The following MICAL3 variants were observed in gnomAD, a reference collection of about 807,000 sequenced individuals.
MICAL3 encodes the protein [F-actin]-monooxygenase MICAL3.
A neutral mutation model predicts 207.4 loss-of-function variants in MICAL3; 62 were observed. The ratio of observed to expected loss-of-function variants is 0.30; its 90% CI spans 0.24 to 0.37. The LOEUF (loss-of-function observed/expected upper bound fraction) is 0.37. MICAL3 is among the 10% of genes least tolerant of loss of function. The probability of loss-of-function intolerance (pLI) is 1.00; values close to 1 mark genes in which losing one functional copy is unlikely to be tolerated. For missense variants in MICAL3, 2,368 were observed against 2,635.6 expected, an observed-to-expected ratio of 0.90 and a Z score of 2.22; for synonymous variants, 1,077 against 1,069.3, an observed-to-expected ratio of 1.01 and a Z score of -0.14.
chr22:17,881,215 C>T (rs747408276), intron 16 of MICAL3: 2 of 1,612,578 alleles, frequency 1.2e-6, no homozygotes, highest in East Asian at 4.5e-5. Context: ...CTGCTGGCCG[C>T]CATGTGCCCG....
chr22:17,995,238 G>A (rs1232089316), intron 1 of MICAL3, among the ~76,000 whole-genome samples: 1 of 152,080 alleles, frequency 6.6e-6, no homozygotes, highest in African/African-American at 2.4e-5. Context: ...ATGCAGTGGT[G>A]TGATTATAGC....
intron 1 of MICAL3, among the ~76,000 whole-genome samples, chr22:18,001,735 T>TC (rs1394957113): frequency 6.6e-6 from 1 of 152,038 alleles, no homozygotes; most frequent in Non-Finnish European, 1.5e-5. Context: ...GTCCTCTCCG[T>TC]CCCCCTGCAG....
At chr22:17,795,049 G>A (rs2061860847) in intron 29 of MICAL3, among the ~76,000 whole-genome samples, 1 of 152,214 alleles carries the variant, frequency 6.6e-6, no homozygotes, top group African/African-American at 2.4e-5. Flanking sequence ...GAATACAGGT[G>A]TTTTCTGTCT....
chr22:17,865,720 C>A (rs1269024226), intron 18 of MICAL3, among the ~76,000 whole-genome samples: 5 of 152,250 alleles, frequency 3.3e-5, no homozygotes, highest in Non-Finnish European at 7.3e-5. Context: ...GCAGGTGGAG[C>A]CTTTACCTTA....
intron 1 of MICAL3, among the ~76,000 whole-genome samples, chr22:17,986,113 G>A (rs1243557323): frequency 6.6e-6 from 1 of 152,060 alleles, no homozygotes; most frequent in East Asian, 1.9e-4. Context: ...CACCATCTTG[G>A]CCAGTCTGAT....
intron 1 of MICAL3, among the ~76,000 whole-genome samples, chr22:17,968,584 A>G (rs1369760008): frequency 6.6e-6 from 1 of 152,180 alleles, no homozygotes; most frequent in African/African-American, 2.4e-5. Context: ...TCAAATAAAC[A>G]ACCAACCTGA....
chr22:17,997,747 C>T (rs1275685899), intron 1 of MICAL3, among the ~76,000 whole-genome samples: 1 of 152,172 alleles, frequency 6.6e-6, no homozygotes, highest in Non-Finnish European at 1.5e-5. Context: ...ACCTTGTCAT[C>T]CGTAAAACTG....
intron 16 of MICAL3, chr22:17,875,168 G>C (rs1928157919): frequency 5.0e-6 from 1 of 201,892 alleles, no homozygotes; most frequent in South Asian, 1.8e-4. Flanking sequence ...ATCATTATTT[G>C]ATATAGTTGA....
chr22:17,819,942 CAAAAA>C (rs58418733), intron 25 of MICAL3, among the ~76,000 whole-genome samples: 1 of 67,650 alleles, frequency 1.5e-5, no homozygotes, highest in Non-Finnish European at 2.7e-5. Context: ...GACTCCATCT[CAAAAA>C]AAAAAAAAAA....
chr22:17,800,491 T>C (rs1204035985), intron 29 of MICAL3, among the ~76,000 whole-genome samples: 1 of 152,124 alleles, frequency 6.6e-6, no homozygotes, highest in Admixed American at 6.5e-5. Context: ...AGTCCAGCTA[T>C]GTGAGGAAGG....
chr22:17,923,242 C>A (rs1054300702), intron 1 of MICAL3, among the ~76,000 whole-genome samples: 4 of 152,192 alleles, frequency 2.6e-5, no homozygotes, highest in African/African-American at 9.7e-5. Flanking sequence ...CACTTATGCA[C>A]CCCTTGCCCT....
chr22:17,900,795 G>A lies in MICAL3; in HGVS notation c.847+47C>T. The A allele has an allele frequency of 1.3e-6, 2 of 1,585,842 alleles. No individual in the cohort carries two copies. The highest frequency in any genetic ancestry group is 1.7e-6 in the Non-Finnish European group (2 of 1,157,244). ...AATCCCCCAAGAAAAAGCCACCAGG[G>A]ACTATTTAAGTTTCTATCCTAGGGC... On this transcript the variant is annotated intron_variant, in intron 6 of 31. Transcript: ENST00000441493. This position sits in a 1 kb window ranked among gnomAD's most constrained non-coding sequence, Gnocchi z 4.0.
At chr22:17,878,131 G>T (rs1474099770) in intron 16 of MICAL3, among the ~76,000 whole-genome samples, 1 of 151,808 alleles carries the variant, frequency 6.6e-6, no homozygotes, top group African/African-American at 2.4e-5. Flanking sequence ...GGGATTACAG[G>T]CCTGAGCCAC....
chr22:17,984,590 C>A (rs1454531220), intron 1 of MICAL3, among the ~76,000 whole-genome samples: 1 of 142,664 alleles, frequency 7.0e-6, no homozygotes, highest in African/African-American at 2.5e-5. Context: ...AGATGGGCTG[C>A]TTTGCCCCAG....
chr22:17,906,214 G>A (rs756467044), intron 2 of MICAL3, among the ~76,000 whole-genome samples: 1 of 152,194 alleles, frequency 6.6e-6, no homozygotes, highest in Non-Finnish European at 1.5e-5. Flanking sequence ...CGCTCAATAT[G>A]TAAATACATG....
chr22:17,866,042 C>T, intron 17 of MICAL3, 30 bp from the exon 18 acceptor site: 6 of 1,551,966 alleles, frequency 3.9e-6, no homozygotes, highest in Non-Finnish European at 5.3e-6. Context: ...GGGACAGAGG[C>T]GATGAGCCAG....
intron 22 of MICAL3, among the ~76,000 whole-genome samples, chr22:17,824,417 A>C (rs2146025325): frequency 6.6e-6 from 1 of 152,370 alleles, no homozygotes; most frequent in East Asian, 1.9e-4. Context: ...CCTCGGAAGT[A>C]GCATCTTCTC....
chr22:17,918,671 TTGCCTCCTTTCC>T (rs1215443320), intron 1 of MICAL3, among the ~76,000 whole-genome samples: 1 of 151,920 alleles, frequency 6.6e-6, no homozygotes, highest in Non-Finnish European at 1.5e-5. Context: ...CTTCCCTCTG[TTGCCTCCTTTCC>T]TGCCGCCAGC....
intron 1 of MICAL3, among the ~76,000 whole-genome samples, chr22:17,999,742 G>C (rs1922721182): frequency 6.6e-6 from 1 of 152,212 alleles, no homozygotes; most frequent in Admixed American, 6.5e-5. Context: ...AAACAGCCTT[G>C]ACTGAGGAAC....
Sources: gnomAD v4.1 joint callset for allele counts (sites outside exome capture counted in the v4.1 genomes callset) on GRCh38, gnomAD v4.1.1 for gene constraint, Gnocchi (gnomAD v3.1) non-coding constraint, MANE v1.5 for transcripts, NCBI Gene and HGNC (gene_info 2026-07-23, HGNC 2026-07-21) for gene names.